The following CFAP61 variants were observed in gnomAD, a reference collection of about 807,000 sequenced individuals.
CFAP61 encodes the protein cilia and flagella associated protein 61.
Under a neutral mutation model 135.6 loss-of-function variants are expected in CFAP61, and 107 were observed. The ratio of observed to expected loss-of-function variants is 0.79; its 90% CI spans 0.67 to 0.93. The LOEUF (loss-of-function observed/expected upper bound fraction) is 0.93. Among genes scored for constraint, CFAP61 ranks in the 40% least tolerant of loss-of-function variants. The pLI is 0.00. For missense variants in CFAP61, 1,507 were observed against 1,556.2 expected, an observed-to-expected ratio of 0.97 and a Z score of 0.53; for synonymous variants, 575 against 578.5, an observed-to-expected ratio of 0.99 and a Z score of 0.09.
intron 19 of CFAP61, among the ~76,000 whole-genome samples, chr20:20,251,343 A>G (rs1048866344): frequency 1.3e-5 from 2 of 151,942 alleles, no homozygotes; most frequent in African/African-American, 4.8e-5. Context: ...ACACACACAC[A>G]CACACACACC....
At position 20,069,368 on chromosome 20, in the gene CFAP61, G is replaced by C. The variant is rs113577406; in HGVS notation, c.144-1486G>C. 5.3e-3 allele frequency among the ~76,000 whole-genome samples: 813 copies of C among 152,200 alleles called. 8 individuals carry two copies. Among genetic ancestry groups the C allele is most frequent in the African/African-American group, 0.019 (780 of 41,540 alleles). On this transcript the variant is annotated intron_variant, in intron 2 of 26. Transcript: ENST00000245957. ...CGATCTCGGCTCACTGCAGCCTCTG[G>C]CTGCTGGGTTCAAGTGATTCTCTGC...
chr20:20,301,612 C>G (rs12625138), intron 25 of CFAP61, among the ~76,000 whole-genome samples: 10,609 of 152,222 alleles, frequency 0.07, 433 homozygotes, highest in Middle Eastern at 0.21. Context: ...ATGTGCTTTT[C>G]CCCACTTAAT....
intron 8 of CFAP61, among the ~76,000 whole-genome samples, chr20:20,137,394 A>G (rs568668716): frequency 2.6e-5 from 4 of 152,304 alleles, no homozygotes; most frequent in Admixed American, 2.6e-4. Flanking sequence ...CAGAGCCAGG[A>G]GTAGGAAACC....
chr20:20,180,360 G>A (rs548095514), intron 13 of CFAP61, among the ~76,000 whole-genome samples: 9 of 150,868 alleles, frequency 6.0e-5, no homozygotes, highest in African/African-American at 2.2e-4. Flanking sequence ...GGCACAGAAC[G>A]TGAATAGACA....
At chr20:20,264,211 G>A (rs2052509211) in intron 21 of CFAP61, among the ~76,000 whole-genome samples, 1 of 152,126 alleles carries the variant, frequency 6.6e-6, no homozygotes, top group Non-Finnish European at 1.5e-5. Context: ...ATTCATAAAT[G>A]AGATTGACCT....
intron 4 of CFAP61, 151 bp from the exon 5 acceptor site, chr20:20,075,038 G>C: frequency 1.4e-6 from 1 of 699,080 alleles, no homozygotes; most frequent in Middle Eastern, 2.4e-4. Flanking sequence ...TTGCCTTGAG[G>C]CTGTTCTTGC....
In CFAP61 at chr20:20,077,997, G is replaced by A. The variant is rs117443268; in HGVS notation, c.566+2382G>A. Reference sequence around the variant, plus strand: ...CACCACAGAATGTAGAATTTTCTCCGAAGAGACAGTTTTGCAGGGTCATTT... The same window carrying A: ...CACCACAGAATGTAGAATTTTCTCCAAAGAGACAGTTTTGCAGGGTCATTT... On this transcript the variant is annotated intron_variant, in intron 6 of 26. Transcript: ENST00000245957. Among the ~76,000 whole-genome samples, 1,099 of 152,310 alleles carry A rather than the reference G, an allele frequency of 7.2e-3. 6 individuals are homozygous for A. The highest frequency in any genetic ancestry group is 0.012 in the Non-Finnish European group (845 of 68,028).
intron 25 of CFAP61, among the ~76,000 whole-genome samples, chr20:20,337,300 G>A (rs1330083131): frequency 2.3e-4 from 24 of 106,334 alleles, no homozygotes; most frequent in South Asian, 1.1e-3. Context: ...ATAGATGGAT[G>A]GATGGATGGA....
At chr20:20,069,624 A>C (rs1309288630) in intron 2 of CFAP61, 2 of 402,688 alleles carry the variant, frequency 5.0e-6, no homozygotes, top group Non-Finnish European at 4.9e-6. Flanking sequence ...ACGTATAGTT[A>C]CCTCACGAAA....
intron 25 of CFAP61, among the ~76,000 whole-genome samples, chr20:20,335,963 T>C (rs1042494665): frequency 2.6e-5 from 4 of 152,228 alleles, no homozygotes; most frequent in African/African-American, 9.7e-5. Context: ...GGGCAACTCA[T>C]TTAAGCTCTC....
Position 20,358,263 on chromosome 20 carries a change from C to G in CFAP61, c.3514-1947C>G, listed in dbSNP as rs145792538. Among the ~76,000 whole-genome samples the G allele has an allele frequency of 3.9e-3, 585 of 150,130 alleles. 7 individuals carry two copies. The highest frequency in any genetic ancestry group is 0.014 in the African/African-American group (560 of 40,704). On this transcript the variant is annotated intron_variant, in intron 26 of 26. Transcript: ENST00000245957. ...AAGTGGTCACACTGAGGGGAATGGT[C>G]ATACTGTGAGGGGAGGTGGTCACAC...
At chr20:20,306,683 C>T (rs1235852051) in intron 25 of CFAP61, among the ~76,000 whole-genome samples, 1 of 152,156 alleles carries the variant, frequency 6.6e-6, no homozygotes, top group African/African-American at 2.4e-5. Flanking sequence ...CCAGGATTCC[C>T]CCCACCCACT....
At chr20:20,066,498 T>TA (rs1182714878) in intron 2 of CFAP61, among the ~76,000 whole-genome samples, 1 of 151,932 alleles carries the variant, frequency 6.6e-6, no homozygotes, top group Non-Finnish European at 1.5e-5. Context: ...TGTGCAGCCA[T>TA]AAAAAAGGAT....
At chr20:20,142,790 A>C in intron 8 of CFAP61, 67 bp from the exon 9 acceptor site, 1 of 890,652 alleles carries the variant, frequency 1.1e-6, no homozygotes, top group Non-Finnish European at 1.8e-6. Context: ...CATGCTGTCT[A>C]ATTTCCTGTG....
At chr20:20,095,790 T>C (rs1441966704) in intron 7 of CFAP61, 1 of 152,210 alleles carries the variant, frequency 6.6e-6, no homozygotes, top group African/African-American at 2.4e-5. Flanking sequence ...GAGGAGAGGA[T>C]CAGAGCCAGC....
intron 13 of CFAP61, among the ~76,000 whole-genome samples, chr20:20,185,794 G>A (rs11699264): frequency 0.12 from 19,004 of 152,144 alleles, 1,346 homozygotes; most frequent in Non-Finnish European, 0.15. Context: ...TTTTACTTCA[G>A]TATCCTGGAG....
intron 20 of CFAP61, among the ~76,000 whole-genome samples, 167 bp downstream of exon 20, chr20:20,251,930 G>A (rs1314095870): frequency 6.6e-6 from 1 of 152,186 alleles, no homozygotes; most frequent in Non-Finnish European, 1.5e-5. Flanking sequence ...CACATAACCA[G>A]AATTATGTCC....
chr20:20,251,727 C>T lies in CFAP61; in HGVS notation c.2292C>T (p.Tyr764=), dbSNP rs771889053. Residue 764 remains tyrosine (Y), a synonymous_variant, in exon 20 of 27, where the codon TAC becomes TAT. Coordinates refer to ENST00000245957, the MANE Select transcript of CFAP61 (RefSeq NM_015585.4). ...TTTCCACGGACGAGATCGTGCCCTA[C>T]GACCACCTCATCCTCTGCACCGGGC... ...VVLSTDEIVP[Y]DHLILCTGQQ... The T allele has an allele frequency of 6.1e-5, 98 of 1,613,890 alleles. No homozygotes were observed. The highest frequency in any genetic ancestry group is 7.5e-5 in the Non-Finnish European group (89 of 1,180,052).
chr20:20,069,022 C>T (rs762739670), intron 2 of CFAP61, among the ~76,000 whole-genome samples: 4 of 152,188 alleles, frequency 2.6e-5, no homozygotes, highest in Non-Finnish European at 4.4e-5. Flanking sequence ...GGATTACAGG[C>T]GTGAGCCACC....
Sources: allele counts gnomAD v4.1 joint callset (sites outside exome capture counted in the v4.1 genomes callset), GRCh38; gene constraint gnomAD v4.1.1; transcripts MANE v1.5; gene names NCBI Gene and HGNC (gene_info 2026-07-23, HGNC 2026-07-21).